Variants in SPMIP3 observed in about 807,000 individuals in gnomAD.
The protein encoded by SPMIP3 is protein SPMIP3.
the SPMIP3 span, among the ~76,000 whole-genome samples, chr1:244,377,444 A>G: frequency 6.6e-6 from 1 of 152,212 alleles, no homozygotes; most frequent in African/African-American, 2.4e-5. Flanking sequence ...TAATGGTGGC[A>G]TGGCATTCCC....
the SPMIP3 span, among the ~76,000 whole-genome samples, chr1:244,378,907 CTTTCT>C: frequency 3.5e-5 from 5 of 141,726 alleles, no homozygotes; most frequent in African/African-American, 1.3e-4. Flanking sequence ...TCTGACCACG[CTTTCT>C]TTTATCTTTT....
At chr1:244,381,548 G>A in the SPMIP3 span, among the ~76,000 whole-genome samples, 1 of 152,232 alleles carries the variant, frequency 6.6e-6, no homozygotes, top group African/African-American at 2.4e-5. Flanking sequence ...AGAAAGTCCA[G>A]GAGATGATTT....
At chr1:244,375,254 T>C in the SPMIP3 span, 1 of 724,708 alleles carries the variant, frequency 1.4e-6, no homozygotes, top group Non-Finnish European at 2.3e-6. Flanking sequence ...AGGGGCTCAG[T>C]GCCAGAAACT....
the SPMIP3 span, among the ~76,000 whole-genome samples, chr1:244,362,229 ACT>A: frequency 4.6e-5 from 7 of 151,246 alleles, no homozygotes; most frequent in Non-Finnish European, 1.0e-4. Flanking sequence ...GACATCACAC[ACT>A]CTTTTTTTCC....
chr1:244,370,073 G>A, the SPMIP3 span, among the ~76,000 whole-genome samples: 2 of 152,176 alleles, frequency 1.3e-5, no homozygotes, highest in Non-Finnish European at 2.9e-5. Flanking sequence ...TGACTTTGGG[G>A]CTGCTTTTTG....
the SPMIP3 span, among the ~76,000 whole-genome samples, chr1:244,356,771 T>A: frequency 6.6e-6 from 1 of 152,170 alleles, no homozygotes; most frequent in Non-Finnish European, 1.5e-5. Flanking sequence ...AAAATTGGGG[T>A]ATTGGGTTTC....
chr1:244,380,129 T>C, the SPMIP3 span, among the ~76,000 whole-genome samples: 20 of 63,302 alleles, frequency 3.2e-4, no homozygotes, highest in African/African-American at 8.2e-4. Flanking sequence ...TTTTCTTTTT[T>C]TTTTTTTTTT....
At chr1:244,385,913 C>A in the SPMIP3 span, among the ~76,000 whole-genome samples, 1 of 152,026 alleles carries the variant, frequency 6.6e-6, no homozygotes, top group Non-Finnish European at 1.5e-5. Context: ...CCTGTAATCC[C>A]AGCACTTTGG....
the SPMIP3 span, among the ~76,000 whole-genome samples, chr1:244,365,314 C>T: frequency 1.1e-4 from 16 of 152,266 alleles, no homozygotes; most frequent in Admixed American, 1.0e-3. Flanking sequence ...TCCTACGTGT[C>T]GTGGGAGGGA....
the SPMIP3 span, among the ~76,000 whole-genome samples, chr1:244,360,591 A>G: frequency 6.6e-6 from 1 of 151,692 alleles, no homozygotes; most frequent in East Asian, 1.9e-4. Flanking sequence ...GCCATAAAAA[A>G]GCATGAAATC....
chr1:244,366,039 C>T, the SPMIP3 span, among the ~76,000 whole-genome samples: 1 of 152,228 alleles, frequency 6.6e-6, no homozygotes, highest in Non-Finnish European at 1.5e-5. Flanking sequence ...ACTCCCCCTT[C>T]ACCACCTCGA....
the SPMIP3 span, among the ~76,000 whole-genome samples, chr1:244,387,782 G>C: frequency 6.6e-6 from 1 of 152,180 alleles, no homozygotes; most frequent in South Asian, 2.1e-4. Context: ...GGTGTGATGG[G>C]GGAGTGAAGA....
the SPMIP3 span, among the ~76,000 whole-genome samples, chr1:244,376,015 G>A: frequency 6.6e-6 from 1 of 152,038 alleles, no homozygotes; most frequent in East Asian, 1.9e-4. Flanking sequence ...TTCTTTTGTA[G>A]GAAAAGGAGT....
the SPMIP3 span, among the ~76,000 whole-genome samples, chr1:244,353,774 C>A: frequency 1.3e-5 from 2 of 152,284 alleles, no homozygotes; most frequent in East Asian, 1.9e-4. Context: ...AGGGAACCAA[C>A]CTTCCTGAAC....
the SPMIP3 span, among the ~76,000 whole-genome samples, chr1:244,357,826 C>T: frequency 6.6e-6 from 1 of 151,952 alleles, no homozygotes; most frequent in Non-Finnish European, 1.5e-5. Context: ...GCCTGTAATC[C>T]CGGCACTTTG....
At chr1:244,363,749 C>T in the SPMIP3 span, among the ~76,000 whole-genome samples, 6 of 152,166 alleles carry the variant, frequency 3.9e-5, no homozygotes, top group Admixed American at 6.5e-5. Flanking sequence ...CCACTGCCTT[C>T]GCAACAATTG....
chr1:244,371,985 T>C, the SPMIP3 span, among the ~76,000 whole-genome samples: 1 of 152,188 alleles, frequency 6.6e-6, no homozygotes, highest in African/African-American at 2.4e-5. Context: ...AAATCAGAGC[T>C]CCCAGAGGTC....
At chr1:244,372,649 T>C in the SPMIP3 span, among the ~76,000 whole-genome samples, 26,166 of 152,058 alleles carry the variant, frequency 0.17, 3,527 homozygotes, top group East Asian at 0.39. Flanking sequence ...TTCACCGCGT[T>C]AGCCAGGATG....
the SPMIP3 span, among the ~76,000 whole-genome samples, chr1:244,374,092 G>A: frequency 2.6e-5 from 4 of 152,126 alleles, no homozygotes; most frequent in South Asian, 2.1e-4. Flanking sequence ...CAGCCTGGGC[G>A]ACAGAGTGAG....
Sources: gnomAD v4.1 joint callset for allele counts (sites outside exome capture counted in the v4.1 genomes callset) on GRCh38, gnomAD v4.1.1 for gene constraint, MANE v1.5 for transcripts, NCBI Gene and HGNC (gene_info 2026-07-23, HGNC 2026-07-21) for gene names.